Variants in DLGAP1 observed in about 807,000 individuals in gnomAD.
The protein encoded by DLGAP1 is DLG associated protein 1, also known as disks large-associated protein 1.
DLGAP1 carries 11 observed loss-of-function variants against 90.8 expected under a neutral mutation model. That is an observed-to-expected ratio of 0.12 (90% CI 0.08 to 0.20). The LOEUF is 0.20. Ranked by LOEUF, DLGAP1 falls within the 10% of genes least tolerant of loss-of-function variation. The pLI is 1.00. For missense variants in DLGAP1, 1,050 were observed against 1,333.8 expected (o/e 0.79, Z 3.31); for synonymous variants, 558 against 540.7 (o/e 1.03, Z -0.44).
At chr18:4,078,143 T>A (rs4797144) in intron 2 of DLGAP1, among the ~76,000 whole-genome samples, 89,398 of 151,954 alleles carry the variant, frequency 0.59, 27,025 homozygotes, top group Non-Finnish European at 0.66. Flanking sequence ...AGCTTTAGAG[T>A]TTTAGCAGAG....
intron 2 of DLGAP1, among the ~76,000 whole-genome samples, chr18:4,005,804 C>T (rs745488398): frequency 6.6e-6 from 1 of 152,220 alleles, no homozygotes; most frequent in Non-Finnish European, 1.5e-5. Flanking sequence ...TTCTCACTCT[C>T]TAACCTCTTC....
In DLGAP1 at chr18:3,548,672, G is replaced by A. The variant is rs189896813; in HGVS notation, c.2058-14057C>T. On this transcript the variant is annotated intron_variant, in intron 9 of 12. Coordinates refer to ENST00000315677, the MANE Select transcript of DLGAP1 (RefSeq NM_004746.4). ...CGCGCCACTGCACATCATACTTAAA[G>A]GTGAAAAACTACATATTTTCATCTA... is the stretch of plus-strand genomic sequence containing the variant. 9.9e-5 allele frequency among the ~76,000 whole-genome samples: 15 copies of A among 152,194 alleles called. No individual in the cohort carries two copies. In the East Asian group the frequency reaches 2.5e-3, roughly 26 times the overall value.
At chr18:3,675,141 G>A (rs1000786610) in intron 7 of DLGAP1, among the ~76,000 whole-genome samples, 8 of 152,108 alleles carry the variant, frequency 5.3e-5, no homozygotes, top group Admixed American at 6.6e-5. Context: ...GTGCGATCTC[G>A]GCTCGCTGCA....
At chr18:3,737,095 C>T (rs1381989579) in intron 6 of DLGAP1, among the ~76,000 whole-genome samples, 3 of 146,910 alleles carry the variant, frequency 2.0e-5, no homozygotes, top group African/African-American at 7.6e-5. Flanking sequence ...TCTGAATAGA[C>T]CAATAACAGG....
chr18:4,204,540 C>G (rs1355639178), intron 1 of DLGAP1, among the ~76,000 whole-genome samples: 1 of 150,412 alleles, frequency 6.6e-6, no homozygotes, highest in South Asian at 2.1e-4. Flanking sequence ...TTTTTCTGAC[C>G]GCAGTGCATC....
At position 3,580,818 on chromosome 18, in the gene DLGAP1, TGCGGA is replaced by T. The variant is rs1375205849; in HGVS notation, c.1965+1052_1965+1056del. On this transcript the variant is annotated intron_variant, in intron 8 of 12. Transcript: ENST00000315677. ...GTGCCGAAGCGTCTTCCACCTGCCG[TGCGGA>T]CCGTGGAAAATAAAAGGCTCTGCCC... The T allele has an allele frequency of 5.6e-5, 85 of 1,523,024 alleles. No individual in the cohort carries two copies. In the African/African-American group the frequency reaches 1.0e-3, roughly 18 times the overall value. 94.3% of individuals were successfully genotyped at this position (1,523,024 alleles called of 1,614,324 possible).
chr18:4,254,554 T>C (rs1419056846), intron 1 of DLGAP1, among the ~76,000 whole-genome samples: 1 of 152,230 alleles, frequency 6.6e-6, no homozygotes, highest in Non-Finnish European at 1.5e-5. Flanking sequence ...ATATTTGTCC[T>C]GCATTTGGGA....
chr18:4,185,262 GTT>G lies in DLGAP1; in HGVS notation c.-266-33977_-266-33976del, dbSNP rs11336512. On this transcript the variant is annotated intron_variant, in intron 1 of 12. Coordinates refer to ENST00000315677, the MANE Select transcript of DLGAP1 (RefSeq NM_004746.4). ...ACAAGATTTTCATGAAGTATTTGAG[GTT>G]TTTTTTTTTTAACTTTTATTTCAGG... Among the ~76,000 whole-genome samples the G allele has an allele frequency of 7.4e-4, 109 of 147,990 alleles. 1 individual carries two copies. Among genetic ancestry groups the G allele is most frequent in the African/African-American group, 2.3e-3 (95 of 40,636 alleles).
At chr18:4,009,065 C>T (rs1255291921) in intron 2 of DLGAP1, among the ~76,000 whole-genome samples, 1 of 152,180 alleles carries the variant, frequency 6.6e-6, no homozygotes, top group African/African-American at 2.4e-5. Flanking sequence ...CCACCATGCC[C>T]GGCTAATTTT....
chr18:3,932,358 A>G (rs540481701), intron 3 of DLGAP1, among the ~76,000 whole-genome samples: 1 of 152,336 alleles, frequency 6.6e-6, no homozygotes, highest in East Asian at 1.9e-4. Context: ...CAGCCGGCCA[A>G]TAACATCAAC....
chr18:3,531,644 G>T (rs1030226883), intron 10 of DLGAP1, among the ~76,000 whole-genome samples: 1 of 151,652 alleles, frequency 6.6e-6, no homozygotes, highest in African/African-American at 2.4e-5. Context: ...CTCCACACCC[G>T]ACTAATTTTT....
Position 4,301,857 on chromosome 18 carries a change from T to C in DLGAP1, c.-266-150570A>G, listed in dbSNP as rs531165582. ...TTTAACAGGTGTGAGGTAACAATCA[T>C]TGTGGTTTTGATTTCATTTCTCTAA... On this transcript the variant is annotated intron_variant, in intron 1 of 12. Coordinates refer to ENST00000315677, the MANE Select transcript of DLGAP1 (RefSeq NM_004746.4). Among the ~76,000 whole-genome samples the C allele has an allele frequency of 3.9e-5, 6 of 152,286 alleles. No individual in the cohort carries two copies. In the South Asian group the frequency reaches 1.0e-3, roughly 26 times the overall value.
chr18:3,976,465 T>C (rs1333530793), intron 3 of DLGAP1, among the ~76,000 whole-genome samples: 1 of 152,176 alleles, frequency 6.6e-6, no homozygotes, highest in Non-Finnish European at 1.5e-5. Context: ...ACATCACCCA[T>C]AATTCTCAGC....
chr18:3,912,202 T>C (rs182386700), intron 3 of DLGAP1, among the ~76,000 whole-genome samples: 87 of 152,372 alleles, frequency 5.7e-4, no homozygotes, highest in African/African-American at 2.0e-3. Context: ...TAAGATTTCT[T>C]GTGCTCCCAA....
chr18:4,272,496 T>G (rs115731477), intron 1 of DLGAP1, among the ~76,000 whole-genome samples: 1,906 of 152,304 alleles, frequency 0.013, 32 homozygotes, highest in African/African-American at 0.038. Context: ...GGCATTTCAG[T>G]TACAAAATAC....
intron 2 of DLGAP1, among the ~76,000 whole-genome samples, chr18:4,099,319 C>G (rs1417441312): frequency 7.2e-6 from 1 of 138,570 alleles, no homozygotes; most frequent in Non-Finnish European, 1.5e-5. Flanking sequence ...ATCTATCTAT[C>G]TATCTATCTA....
intron 7 of DLGAP1, among the ~76,000 whole-genome samples, chr18:3,620,549 T>G (rs1029724612): frequency 1.2e-4 from 4 of 33,670 alleles, no homozygotes; most frequent in Admixed American, 1.2e-3. Context: ...TCACATTTTA[T>G]TATTATTATT....
At chr18:4,177,034 T>A (rs1224623007) in intron 1 of DLGAP1, among the ~76,000 whole-genome samples, 1 of 152,098 alleles carries the variant, frequency 6.6e-6, no homozygotes, top group Non-Finnish European at 1.5e-5. Flanking sequence ...TTCACCAGGA[T>A]TGGCAGTTCC....
chr18:4,041,340 A>C (rs563034459), intron 2 of DLGAP1, among the ~76,000 whole-genome samples: 1 of 152,286 alleles, frequency 6.6e-6, no homozygotes, highest in African/African-American at 2.4e-5. Flanking sequence ...ATAAATGAGG[A>C]ATATGGAGTA....
Sources: allele counts gnomAD v4.1 joint callset (sites outside exome capture counted in the v4.1 genomes callset), GRCh38; gene constraint gnomAD v4.1.1; transcripts MANE v1.5; gene names NCBI Gene and HGNC (gene_info 2026-07-23, HGNC 2026-07-21).